Variants in DGAT1 observed in about 807,000 individuals in gnomAD.
DGAT1 encodes the protein diacylglycerol O-acyltransferase 1.
In DGAT1, 60 loss-of-function variants were observed where a neutral mutation model predicts 72.6. The ratio of observed to expected loss-of-function variants is 0.83; its 90% CI spans 0.67 to 1.02. DGAT1 has a LOEUF of 1.02. Ranked by LOEUF, DGAT1 falls within the 50% of genes least tolerant of loss-of-function variation. DGAT1 has a pLI of 0.00. For missense variants in DGAT1, 592 were observed against 670.0 expected (o/e 0.88, Z 1.29); for synonymous variants, 290 against 267.5 (o/e 1.08, Z -0.82).
At chr8:144,319,784 C>T (rs910236888) in intron 2 of DGAT1, among the ~76,000 whole-genome samples, 1 of 152,194 alleles carries the variant, frequency 6.6e-6, no homozygotes, top group Admixed American at 6.5e-5. Context: ...AGGACAGGAA[C>T]CTCCTCCTCC....
rs1012092129 is a variant in DGAT1 at position 144,326,803 on chromosome 8, G to A, written c.-167C>T. The A allele has an allele frequency of 2.6e-3, 1,026 of 391,880 alleles. 4 individuals carry two copies. Among genetic ancestry groups the A allele is most frequent in the Non-Finnish European group, 3.4e-3 (902 of 265,516 alleles). 24.3% of individuals were successfully genotyped at this position (391,880 alleles called of 1,614,324 possible). A position where few individuals can be genotyped will look rare whatever the true frequency, so the allele number is the denominator to read the frequency against. On this transcript the variant is annotated 5_prime_UTR_variant, in exon 1 of 17. Transcript: ENST00000528718. ...CAGCGCGTTCAACCCGCCCGCGTCG[G>A]GCCCGTCGGCCTCAAGGACAACGGC...
At position 144,318,940 on chromosome 8, in the gene DGAT1, G is replaced by A. The variant is rs2130524731; in HGVS notation, c.330-20C>T. The A allele has an allele frequency of 1.9e-6, 3 of 1,596,022 alleles. No homozygotes were observed. The highest frequency in any genetic ancestry group is 2.6e-6 in the Non-Finnish European group (3 of 1,171,520). Reference sequence around the variant, plus strand: ...CCATACCTGGGGGTGGAGGGATGGGGGTCTGAGTGGGTGGCAGGTGGGGCT... The same window carrying A: ...CCATACCTGGGGGTGGAGGGATGGGAGTCTGAGTGGGTGGCAGGTGGGGCT... On this transcript the variant is annotated intron_variant, in intron 3 of 16. Coordinates refer to ENST00000528718, the MANE Select transcript of DGAT1 (RefSeq NM_012079.6).
At chr8:144,321,819 G>C (rs1292282252) in intron 1 of DGAT1, among the ~76,000 whole-genome samples, 2 of 152,232 alleles carry the variant, frequency 1.3e-5, no homozygotes, top group Non-Finnish European at 2.9e-5. Flanking sequence ...CCAGCACTGT[G>C]GGGACCAAGT....
rs782724651 is a variant in DGAT1, at chr8:144,316,721, G to A, written c.1312-12C>T. On this transcript the variant is annotated splice_polypyrimidine_tract_variant and intron_variant, in intron 16 of 16. Coordinates refer to ENST00000528718, the MANE Select transcript of DGAT1 (RefSeq NM_012079.6). ...CAGGCCAGTGGGATCTAGGGAGTGA[G>A]GGGCCAAGTCAGTCGGCCATGGTGA... 27 of 1,610,194 alleles carry A rather than the reference G, an allele frequency of 1.7e-5. No homozygotes were observed. Among genetic ancestry groups the A allele is most frequent in the Non-Finnish European group, 2.1e-5 (25 of 1,178,440 alleles).
Position 144,317,563 on chromosome 8 carries a change from T to C in DGAT1, c.962A>G (p.Glu321Gly), listed in dbSNP as rs1817286296. 6.2e-7 allele frequency: 1 copy of C among 1,613,712 alleles called. No homozygotes were observed. ...ACTCACCGCCAGCTTCAGGAGGCGC[T>C]CGATGATGCGTGAGTAGTCCATGTC... ...FKDMDYSRIIERLLKLAVPNH... is the reference protein window; with the variant it reads ...FKDMDYSRIIGRLLKLAVPNH... The change falls in exon 12 of 17, where the codon GAG becomes GGG. Residue 321 changes from glutamate (E) to glycine (G), a missense_variant. Coordinates refer to ENST00000528718, the MANE Select transcript of DGAT1 (RefSeq NM_012079.6).
In DGAT1 at chr8:144,326,312, T is replaced by C. The variant is rs1156465960; in HGVS notation, c.200+125A>G. The C allele has an allele frequency of 8.7e-6, 8 of 916,326 alleles. No homozygotes were observed. In the African/African-American group the frequency reaches 1.0e-4, roughly 12 times the overall value. The allele number at this position is 916,326 out of a possible 1,614,324, so 56.8% of individuals were successfully genotyped here. A position where few individuals can be genotyped will look rare whatever the true frequency, so the allele number is the denominator to read the frequency against. ...AGCCTCAGTTTCCCCACAGGGCCCA[T>C]AGGGCACACCGATCCCCGCTTAGCC... On this transcript the variant is annotated intron_variant, in intron 1 of 16. Coordinates refer to ENST00000528718, the MANE Select transcript of DGAT1 (RefSeq NM_012079.6).
intron 8 of DGAT1, 38 bp from the exon 9 acceptor site, chr8:144,318,055 C>T (rs2130518493): frequency 6.6e-7 from 1 of 1,518,976 alleles, no homozygotes; most frequent in Non-Finnish European, 8.8e-7. Flanking sequence ...AGAACAGGCC[C>T]AGCCTGTCCC....
chr8:144,314,835 A>C lies in DGAT1; in HGVS notation c.*1719T>G. ...GCAGTGGCCTCCTGGGGGAAGACGG[A>C]TGCTTGCAGCTAGCTCCGTGCCTGC... On this transcript the variant is annotated 3_prime_UTR_variant, in exon 17 of 17. Coordinates refer to ENST00000528718, the MANE Select transcript of DGAT1 (RefSeq NM_012079.6). 1 of 916,736 alleles carries C rather than the reference A, an allele frequency of 1.1e-6. No individual in the cohort carries two copies. Among genetic ancestry groups the C allele is most frequent in the Non-Finnish European group, 1.3e-6 (1 of 765,586 alleles). 56.8% of individuals were successfully genotyped at this position (916,736 alleles called of 1,614,324 possible).
In DGAT1 at chr8:144,318,934, G is replaced by T. The variant is rs56126815; in HGVS notation, c.330-14C>A. ...AGGATGCCATACCTGGGGGTGGAGG[G>T]ATGGGGGTCTGAGTGGGTGGCAGGT... On this transcript the variant is annotated splice_polypyrimidine_tract_variant and intron_variant, in intron 3 of 16. Coordinates refer to ENST00000528718, the MANE Select transcript of DGAT1 (RefSeq NM_012079.6). 0.037 allele frequency: 50,342 copies of T among 1,371,938 alleles called. 1,927 individuals carry two copies. The highest frequency in any genetic ancestry group is 0.15 in the Admixed American group (8,016 of 53,008). 85.0% of individuals were successfully genotyped at this position (1,371,938 alleles called of 1,614,324 possible). A position where few individuals can be genotyped will look rare whatever the true frequency, so the allele number is the denominator to read the frequency against.
At position 144,316,965 on chromosome 8, in the gene DGAT1, C is replaced by G. The variant is rs368966034; in HGVS notation, c.1249-50G>C. On this transcript the variant is annotated intron_variant, in intron 15 of 16. Transcript: ENST00000528718. ...CCAGGGAGTGGGGTGTCAGCCGTCCCTGCTGTGGGCATACCCCTGCCCAGG... is the reference window on the plus strand; with the variant it reads ...CCAGGGAGTGGGGTGTCAGCCGTCCGTGCTGTGGGCATACCCCTGCCCAGG... 26 of 1,612,198 alleles carry G rather than the reference C, an allele frequency of 1.6e-5. No homozygotes were observed. The African/African-American group carries it at 2.5e-4, about 16-fold the overall frequency.
chr8:144,315,091 C>T lies in DGAT1; in HGVS notation c.*1463G>A. ...GCCTGTCCCGTAGCTTTAGGGTTCT[C>T]CACTCAGCCTGGTGGAGGAAGGGAA... On this transcript the variant is annotated 3_prime_UTR_variant, in exon 17 of 17. Transcript: ENST00000528718. 1.0e-6 allele frequency: 1 copy of T among 985,506 alleles called. No homozygotes were observed. The allele number at this position is 985,506 out of a possible 1,614,324, so 61.0% of individuals were successfully genotyped here. A position where few individuals can be genotyped will look rare whatever the true frequency, so the allele number is the denominator to read the frequency against.
chr8:144,317,575 G>T lies in DGAT1; in HGVS notation c.950C>A (p.Ser317Ter). 6.2e-7 allele frequency: 1 copy of T among 1,613,892 alleles called. No homozygotes were observed. Among genetic ancestry groups the T allele is most frequent in the Non-Finnish European group, 8.5e-7 (1 of 1,180,038 alleles). ...SMKPFKDMDY[S>*]RIIERLLKLA... ...CTTCAGGAGGCGCTCGATGATGCGTGAGTAGTCCATGTCCTGCAGAAACAA... is the reference window on the plus strand; with the variant it reads ...CTTCAGGAGGCGCTCGATGATGCGTTAGTAGTCCATGTCCTGCAGAAACAA... Residue 317 changes from serine (S) to a stop codon, truncating the protein, a stop_gained, in exon 12 of 17, where the codon TCA becomes TAA. Transcript: ENST00000528718. LOFTEE classifies it high-confidence loss of function.
Position 144,319,073 on chromosome 8 carries a change from G to C in DGAT1, c.289-5C>G, listed in dbSNP as rs369558777. The C allele has an allele frequency of 6.4e-7, 1 of 1,553,464 alleles. No individual in the cohort carries two copies. Among genetic ancestry groups the C allele is most frequent in the Admixed American group, 1.9e-5 (1 of 51,340 alleles). On this transcript the variant is annotated splice_region_variant and splice_polypyrimidine_tract_variant and intron_variant, in intron 2 of 16. Transcript: ENST00000528718. The stretch of plus-strand genomic sequence containing the variant: ...TAACCGGGCATTGCTCAAGATCTGC[G>C]AGGGATGGACAGGAGGGTGCAGCCC...
At chr8:144,319,602 G>C (rs1817386042) in intron 2 of DGAT1, among the ~76,000 whole-genome samples, 2 of 152,176 alleles carry the variant, frequency 1.3e-5, no homozygotes, top group South Asian at 4.1e-4. Flanking sequence ...GTGTCGCAAG[G>C]GGGGCTGGGC....
Position 144,324,623 on chromosome 8 carries a change from C to T in DGAT1, c.200+1814G>A, listed in dbSNP as rs1219264269. 3.9e-5 allele frequency among the ~76,000 whole-genome samples: 6 copies of T among 152,140 alleles called. No individual in the cohort carries two copies. The East Asian group carries it at 1.2e-3, about 29-fold the overall frequency. ...GCAGGGACAGGGACTCACCAGGCCT[C>T]TCCCACGAGCTCTGCACCCATCCCA... On this transcript the variant is annotated intron_variant, in intron 1 of 16. Transcript: ENST00000528718.
Position 144,317,967 on chromosome 8 carries a change from G to C in DGAT1, c.802C>G (p.Pro268Ala), listed in dbSNP as rs141523495. 6.6e-7 allele frequency: 1 copy of C among 1,519,770 alleles called. No individual in the cohort carries two copies. The highest frequency in any genetic ancestry group is 1.3e-5 in the South Asian group (1 of 75,310). The allele number at this position is 1,519,770 out of a possible 1,614,324, so 94.1% of individuals were successfully genotyped here. A position where few individuals can be genotyped will look rare whatever the true frequency, so the allele number is the denominator to read the frequency against. The change falls in exon 9 of 17, where the codon CCC (proline) becomes GCC (alanine). Residue 268 changes from proline to alanine, a missense_variant. Pro to Ala is a conservative substitution (Grantham distance 27). Transcript: ENST00000528718. ...APTLCYELNF[P>A]RSPRIRKRFL... ...CGCTTCCGGATGCGGGGAGAGCGGG[G>C]AAAGTTGAGCTCGTAGCACAAGGTG...
chr8:144,326,397 G>GC (rs1315523270), intron 1 of DGAT1, 40 bp downstream of exon 1: 3 of 1,377,796 alleles, frequency 2.2e-6, no homozygotes, highest in East Asian at 6.2e-5. Flanking sequence ...AAGTCGCGGG[G>GC]CCCTTGGGTC....
rs980763099 is a variant in DGAT1, at chr8:144,317,484, C to T, written c.982-39G>A. The T allele has an allele frequency of 1.9e-6, 3 of 1,613,588 alleles. No individual in the cohort carries two copies. The African/African-American group carries it at 4.0e-5, about 22-fold the overall frequency. ...GGGGGTGGGCACCAAGTTCTAGAAC[C>T]TTCCCCCACATGCCACTGTCCCCTC... On this transcript the variant is annotated intron_variant, in intron 12 of 16. Coordinates refer to ENST00000528718, the MANE Select transcript of DGAT1 (RefSeq NM_012079.6).
chr8:144,315,295 G>A lies in DGAT1; in HGVS notation c.*1259C>T. ...CACCCACTACTGCCATCCTCAGCAGGGCCCAAGGAGATGCCTCCATCTCAG... is the reference window on the plus strand; with the variant it reads ...CACCCACTACTGCCATCCTCAGCAGAGCCCAAGGAGATGCCTCCATCTCAG... On this transcript the variant is annotated 3_prime_UTR_variant, in exon 17 of 17. Coordinates refer to ENST00000528718, the MANE Select transcript of DGAT1 (RefSeq NM_012079.6). 3 of 985,488 alleles carry A rather than the reference G, an allele frequency of 3.0e-6. No homozygotes were observed. The highest frequency in any genetic ancestry group is 3.6e-6 in the Non-Finnish European group (3 of 829,968). The allele number at this position is 985,488 out of a possible 1,614,324, so 61.0% of individuals were successfully genotyped here.
Sources: allele counts gnomAD v4.1 joint callset (sites outside exome capture counted in the v4.1 genomes callset), GRCh38; gene constraint gnomAD v4.1.1; transcripts MANE v1.5; gene names NCBI Gene and HGNC (gene_info 2026-07-23, HGNC 2026-07-21).